Variants in FOXP1 observed in about 807,000 individuals in gnomAD.
FOXP1 encodes the protein forkhead box P1.
FOXP1 carries 15 observed loss-of-function variants against 98.2 expected under a neutral mutation model. The ratio of observed to expected loss-of-function variants is 0.15; its 90% CI spans 0.10 to 0.24. The LOEUF (loss-of-function observed/expected upper bound fraction) is 0.24. Ranked by LOEUF, FOXP1 falls within the 10% of genes least tolerant of loss-of-function variation. The pLI is 1.00. For missense variants in FOXP1, 633 were observed against 848.5 expected, an observed-to-expected ratio of 0.75 and a Z score of 3.15; for synonymous variants, 371 against 314.5, an observed-to-expected ratio of 1.18 and a Z score of -1.90.
chr3:71,520,670 G>A (rs1187126335), intron 2 of FOXP1, among the ~76,000 whole-genome samples: 1 of 152,164 alleles, frequency 6.6e-6, no homozygotes, highest in Non-Finnish European at 1.5e-5. Flanking sequence ...AGTAAGTCAG[G>A]CATACCCAAA....
chr3:70,970,514 C>G, intron 19 of FOXP1: 1 of 550,498 alleles, frequency 1.8e-6, no homozygotes, highest in Admixed American at 3.1e-5. Flanking sequence ...AATAAGTGAA[C>G]TTTTAATTTT....
intron 11 of FOXP1, among the ~76,000 whole-genome samples, chr3:71,035,094 T>G (rs900766013): frequency 6.6e-6 from 1 of 152,188 alleles, no homozygotes; most frequent in Non-Finnish European, 1.5e-5. Flanking sequence ...GAGGCTCTTG[T>G]TACAATGCAG....
chr3:71,308,789 GT>G (rs2074475872), intron 4 of FOXP1, among the ~76,000 whole-genome samples: 2 of 150,948 alleles, frequency 1.3e-5, no homozygotes, highest in African/African-American at 2.4e-5. Context: ...GTGTGTGTGT[GT>G]GTGTGTGTGT....
chr3:71,093,471 T>G (rs2107617249), intron 7 of FOXP1, among the ~76,000 whole-genome samples: 1 of 141,102 alleles, frequency 7.1e-6, no homozygotes, highest in Non-Finnish European at 1.6e-5. Flanking sequence ...TAGCCACATT[T>G]CAAGTTCTGT....
At position 70,957,176 on chromosome 3, in the gene FOXP1, CCCTT is replaced by C. The variant is rs368831877; in HGVS notation, c.*2067_*2070del. The stretch of plus-strand genomic sequence containing the variant: ...TTCATTTTTTTTTTGAGATGGGACT[CCCTT>C]CCTTCTGTAGCTCCTTTAATATTGT... On this transcript the variant is annotated 3_prime_UTR_variant, in exon 21 of 21. Coordinates refer to ENST00000649528, the MANE Select transcript of FOXP1 (RefSeq NM_001349338.3). 2.1e-4 allele frequency: 47 copies of C among 223,414 alleles called. No homozygotes were observed. The highest frequency in any genetic ancestry group is 7.4e-4 in the Admixed American group (13 of 17,486). 13.8% of individuals were successfully genotyped at this position (223,414 alleles called of 1,614,324 possible).
chr3:70,963,419 CG>C (rs1559572049), intron 20 of FOXP1, among the ~76,000 whole-genome samples: 4 of 152,190 alleles, frequency 2.6e-5, no homozygotes, highest in Non-Finnish European at 4.4e-5. Flanking sequence ...TGGGATTCCA[CG>C]AAAGATACAT....
rs146216038 is a variant in FOXP1, at chr3:71,212,433, C to A, written c.-11-14041G>T. 1.4e-4 allele frequency among the ~76,000 whole-genome samples: 21 copies of A among 152,270 alleles called. No homozygotes were observed. The East Asian group carries it at 3.5e-3, about 25-fold the overall frequency. ...CTTACACTGCTAAAGACATAATCAACCAAGAAGCCAGATTCTTTACACTTG... is the reference window on the plus strand; with the variant it reads ...CTTACACTGCTAAAGACATAATCAAACAAGAAGCCAGATTCTTTACACTTG... On this transcript the variant is annotated intron_variant, in intron 5 of 20. Coordinates refer to ENST00000649528, the MANE Select transcript of FOXP1 (RefSeq NM_001349338.3).
intron 7 of FOXP1, 33 bp downstream of exon 7, chr3:71,112,503 T>C (rs375938222): frequency 1.3e-5 from 19 of 1,496,046 alleles, no homozygotes; most frequent in Non-Finnish European, 1.8e-5. Context: ...CCAAAGGGTA[T>C]AATGTCAATT....
Position 70,956,732 on chromosome 3 carries a change from GTTTTTTTTTTTTTTTTTT to G in FOXP1, c.*2497_*2514del, listed in dbSNP as rs142956636. ...GCACATCATGAAGCTGCCTGGAAAA[GTTTTTTTTTTTTTTTTTT>G]TTTTTTTTTTTTTTTTTTTTTTTAA... On this transcript the variant is annotated 3_prime_UTR_variant, in exon 21 of 21. Transcript: ENST00000649528. The G allele has an allele frequency of 4.7e-3, 155 of 32,806 alleles. No individual in the cohort carries two copies. Among genetic ancestry groups the G allele is most frequent in the East Asian group, 9.0e-3 (12 of 1,338 alleles). 2.0% of individuals were successfully genotyped at this position (32,806 alleles called of 1,614,324 possible). A position where few individuals can be genotyped will look rare whatever the true frequency, so the allele number is the denominator to read the frequency against.
chr3:71,583,251 C>T (rs1388443699), intron 1 of FOXP1, among the ~76,000 whole-genome samples: 3 of 152,048 alleles, frequency 2.0e-5, no homozygotes, highest in Non-Finnish European at 2.9e-5. Flanking sequence ...GCCCCCGCCC[C>T]CATTTGACTT....
At chr3:71,260,921 C>A (rs2069081853) in intron 5 of FOXP1, among the ~76,000 whole-genome samples, 1 of 152,072 alleles carries the variant, frequency 6.6e-6, no homozygotes, top group Non-Finnish European at 1.5e-5. Flanking sequence ...AAAAGTCTAC[C>A]AATTCACAGT....
At chr3:71,064,179 G>A (rs902463585) in intron 7 of FOXP1, among the ~76,000 whole-genome samples, 16 of 152,112 alleles carry the variant, frequency 1.1e-4, no homozygotes, top group African/African-American at 3.9e-4. Context: ...TCCGGTGTGG[G>A]GCTCTGTGCC....
At chr3:71,283,560 C>T (rs879307200) in intron 5 of FOXP1, among the ~76,000 whole-genome samples, 3 of 152,100 alleles carry the variant, frequency 2.0e-5, no homozygotes, top group African/African-American at 7.2e-5. Flanking sequence ...GGATGACAAC[C>T]CTTTTTTATT....
intron 3 of FOXP1, among the ~76,000 whole-genome samples, chr3:71,489,581 TG>T (rs1254881733): frequency 6.6e-6 from 1 of 152,242 alleles, no homozygotes; most frequent in Non-Finnish European, 1.5e-5. Context: ...GCCTTCACTC[TG>T]GAAGTCCTGT....
At chr3:70,969,962 G>C (rs1194820916) in intron 19 of FOXP1, 2 of 152,254 alleles carry the variant, frequency 1.3e-5, no homozygotes, top group Non-Finnish European at 1.5e-5. Flanking sequence ...GTACTTTAAT[G>C]AAATGACACT....
intron 3 of FOXP1, among the ~76,000 whole-genome samples, chr3:71,401,972 C>T (rs994942147): frequency 1.3e-5 from 2 of 152,204 alleles, no homozygotes; most frequent in Non-Finnish European, 2.9e-5. Context: ...CCCTATCCTA[C>T]TCCTCACCAG....
intron 5 of FOXP1, among the ~76,000 whole-genome samples, chr3:71,253,661 C>A (rs2068401062): frequency 6.6e-6 from 1 of 152,106 alleles, no homozygotes; most frequent in African/African-American, 2.4e-5. Context: ...ATAAGATGTA[C>A]CTATTGTAAT....
At chr3:71,127,243 C>T (rs1439890758) in intron 6 of FOXP1, among the ~76,000 whole-genome samples, 1 of 152,014 alleles carries the variant, frequency 6.6e-6, no homozygotes, top group Non-Finnish European at 1.5e-5. Context: ...AGGTTAACAG[C>T]AGGTTTCAAT....
chr3:71,142,738 T>C lies in FOXP1; in HGVS notation c.181-30101A>G, dbSNP rs570093486. Among the ~76,000 whole-genome samples, 55 of 152,338 alleles carry C rather than the reference T, an allele frequency of 3.6e-4. No homozygotes were observed. The South Asian group carries it at 0.011, about 31-fold the overall frequency. On this transcript the variant is annotated intron_variant, in intron 6 of 20. Coordinates refer to ENST00000649528, the MANE Select transcript of FOXP1 (RefSeq NM_001349338.3). Reference sequence around the variant, plus strand: ...TCAGTGCAGCTTCCACTTGCCTCCCTATTCTCTGAGGAGAGACTCCATTAA... The same window carrying C: ...TCAGTGCAGCTTCCACTTGCCTCCCCATTCTCTGAGGAGAGACTCCATTAA...
Sources: gnomAD v4.1 joint callset for allele counts (sites outside exome capture counted in the v4.1 genomes callset) on GRCh38, gnomAD v4.1.1 for gene constraint, MANE v1.5 for transcripts, NCBI Gene and HGNC (gene_info 2026-07-23, HGNC 2026-07-21) for gene names.